Variants in DST observed in about 807,000 individuals in gnomAD.
DST encodes bullous pemphigoid antigen.
Under a neutral mutation model 875.2 loss-of-function variants are expected in DST, and 253 were observed. The ratio of observed to expected loss-of-function variants is 0.29; its 90% CI spans 0.26 to 0.32. The LOEUF is 0.32. DST is among the 10% of genes least tolerant of loss of function. DST has a pLI of 1.00. For missense variants in DST, 8,287 were observed against 9,111.6 expected (o/e 0.91, Z 3.68); for synonymous variants, 3,124 against 3,197.1 (o/e 0.98, Z 0.77).
At chr6:56,872,094 T>G (rs1391665454) in intron 3 of DST, among the ~76,000 whole-genome samples, 1 of 152,098 alleles carries the variant, frequency 6.6e-6, no homozygotes, top group Non-Finnish European at 1.5e-5. Context: ...CAAGAAAAAC[T>G]GCACATGAAC....
intron 17 of DST, among the ~76,000 whole-genome samples, 170 bp from the exon 18 acceptor site, chr6:56,640,775 A>G (rs2098888779): frequency 6.6e-6 from 1 of 152,148 alleles, no homozygotes; most frequent in Non-Finnish European, 1.5e-5. Flanking sequence ...GGGAAGAGGG[A>G]GGTATAAGGG....
chr6:56,822,554 G>A (rs1407501301), intron 4 of DST, among the ~76,000 whole-genome samples: 2 of 152,170 alleles, frequency 1.3e-5, no homozygotes, highest in African/African-American at 4.8e-5. Flanking sequence ...GAAGCCAGGT[G>A]AAGAACCATC....
At position 56,954,464 on chromosome 6, in the gene DST, G is replaced by A. The variant is rs1824225490; in HGVS notation, c.124C>T (p.Leu42Phe). The change falls in exon 1 of 104, where the codon CTC becomes TTC. Residue 42 changes from leucine to phenylalanine, a missense_variant. This residue lies in a region of DST where 1,160 missense variants were observed against 1,424.3 expected (regional missense o/e 0.81). Transcript: ENST00000680361. ...TTCATCGGATGCCTCCCTTTCTGGA[G>A]CTTGCGGTGCCAGCAGCAGAAGAAG... ...IVFFCCWHRKLQKGRHPMKSV... is the reference protein window; with the variant it reads ...IVFFCCWHRKFQKGRHPMKSV... 7.3e-7 allele frequency: 1 copy of A among 1,367,570 alleles called. No homozygotes were observed. Among genetic ancestry groups the A allele is most frequent in the African/African-American group, 1.5e-5 (1 of 67,874 alleles). 84.7% of individuals were successfully genotyped at this position (1,367,570 alleles called of 1,614,324 possible).
At chr6:56,781,270 T>C (rs2099693202) in intron 4 of DST, among the ~76,000 whole-genome samples, 1 of 152,218 alleles carries the variant, frequency 6.6e-6, no homozygotes, top group African/African-American at 2.4e-5. Context: ...AAGTCATTGG[T>C]AGCTTGATGG....
Position 56,670,716 on chromosome 6 carries a change from G to A in DST, c.1139C>T (p.Ala380Val). Residue 380 changes from alanine (A) to valine (V), a missense_variant, in exon 10 of 104, where the codon GCT becomes GTT. By Grantham distance (64) the Ala-to-Val change is moderately conservative. Transcript: ENST00000680361. ...AGTGAAATTTTCACACCGAATTCCA[G>A]CATAACCCTCTGTTGCCTGCTGCGT... ...LWTQQATEGY[A>V]GIRCENFTTC... 6.2e-7 allele frequency: 1 copy of A among 1,609,900 alleles called. No individual in the cohort carries two copies. Among genetic ancestry groups the A allele is most frequent in the Non-Finnish European group, 8.5e-7 (1 of 1,178,000 alleles).
At chr6:56,732,616 T>TC (rs2099505359) in intron 5 of DST, among the ~76,000 whole-genome samples, 1 of 152,174 alleles carries the variant, frequency 6.6e-6, no homozygotes, top group South Asian at 2.1e-4. Context: ...ATTTAAAAGC[T>TC]CCACAATGTT....
intron 80 of DST, among the ~76,000 whole-genome samples, chr6:56,499,138 T>C (rs535933070): frequency 1.3e-5 from 2 of 152,256 alleles, no homozygotes; most frequent in South Asian, 2.1e-4. Context: ...TTGGTAAAAG[T>C]TGATCCTACT....
intron 3 of DST, among the ~76,000 whole-genome samples, chr6:56,888,228 G>A (rs987199737): frequency 3.3e-5 from 5 of 151,988 alleles, no homozygotes; most frequent in South Asian, 2.1e-4. Context: ...GATTACAGAC[G>A]TGAACCACCA....
chr6:56,574,777 G>A (rs1360266537), intron 50 of DST, among the ~76,000 whole-genome samples: 1 of 151,982 alleles, frequency 6.6e-6, no homozygotes, highest in African/African-American at 2.4e-5. Flanking sequence ...TTTCTCTCTG[G>A]AAAATGATGT....
chr6:56,551,953 A>C (rs940522490), intron 61 of DST, among the ~76,000 whole-genome samples: 14 of 151,998 alleles, frequency 9.2e-5, no homozygotes, highest in Non-Finnish European at 1.9e-4. Flanking sequence ...TTTGCCAAGC[A>C]CCCTTTGGTC....
In DST at chr6:56,498,063, T is replaced by C. The variant is rs1583184463; in HGVS notation, c.19897-10A>G. ...CATCATTTTGGAGCACCTGAAAATA[T>C]AAAGATAACACCATGTTTGCTAGTT... On this transcript the variant is annotated splice_polypyrimidine_tract_variant and intron_variant, in intron 80 of 103. Coordinates refer to ENST00000680361, the MANE Select transcript of DST (RefSeq NM_001374736.1). The C allele has an allele frequency of 1.2e-6, 2 of 1,608,138 alleles. No individual in the cohort carries two copies. The highest frequency in any genetic ancestry group is 1.7e-6 in the Non-Finnish European group (2 of 1,176,258).
intron 3 of DST, among the ~76,000 whole-genome samples, chr6:56,887,619 G>A (rs543794542): frequency 5.9e-5 from 9 of 152,218 alleles, no homozygotes; most frequent in Admixed American, 1.3e-4. Context: ...AGTTTCCTTG[G>A]TTTGGAGATT....
At chr6:56,567,429 T>TAAAAAAAAAAAAAAAAAACCCCAAAGAAA (rs2097698008) in intron 55 of DST, among the ~76,000 whole-genome samples, 1 of 104,860 alleles carries the variant, frequency 9.5e-6, no homozygotes. Flanking sequence ...TTACCAAGAG[T>TAAAAAAAAAAAAAAAAAACCCCAAAGAAA]AAAAAAAAAA....
chr6:56,861,152 CTT>C (rs143895908), intron 3 of DST, among the ~76,000 whole-genome samples: 5,371 of 152,260 alleles, frequency 0.035, 333 homozygotes, highest in African/African-American at 0.12. Flanking sequence ...CACACTTACT[CTT>C]TCACTACAAA....
At chr6:56,896,564 T>C (rs1378938470) in intron 3 of DST, among the ~76,000 whole-genome samples, 1 of 152,250 alleles carries the variant, frequency 6.6e-6, no homozygotes, top group African/African-American at 2.4e-5. Flanking sequence ...TGTACTAGTT[T>C]ACATTCCCAC....
intron 4 of DST, among the ~76,000 whole-genome samples, chr6:56,760,391 C>T (rs1304541461): frequency 6.6e-6 from 1 of 152,052 alleles, no homozygotes; most frequent in African/African-American, 2.4e-5. Context: ...TTTTGTATGT[C>T]TCTCCATGTG....
At chr6:56,476,015 C>T (rs903161646) in intron 92 of DST, 134 bp downstream of exon 92, 1 of 760,154 alleles carries the variant, frequency 1.3e-6, no homozygotes. Context: ...GTTGGAAACA[C>T]AGTTGTAAGG....
chr6:56,751,141 A>G (rs1001914741), intron 4 of DST, among the ~76,000 whole-genome samples: 5 of 152,246 alleles, frequency 3.3e-5, no homozygotes, highest in Non-Finnish European at 7.3e-5. Flanking sequence ...TTAACATTAA[A>G]TGCAAGTCAT....
chr6:56,604,837 G>A lies in DST; in HGVS notation c.9791C>T (p.Thr3264Ile), dbSNP rs1230539875. 1 of 1,612,488 alleles carries A rather than the reference G, an allele frequency of 6.2e-7. No homozygotes were observed. The highest frequency in any genetic ancestry group is 1.1e-5 in the South Asian group (1 of 91,020). The change falls in exon 40 of 104, where the codon ACA becomes ATA. Residue 3264 changes from threonine (T) to isoleucine (I), a missense_variant. By Grantham distance (89) the Thr-to-Ile change is moderately conservative. Transcript: ENST00000680361. ...AAGTGTGGCTTCAATACTTTCTGGT[G>A]TGAACTGAGAAATTTCTGTTCCTCC... ...SGGGTEISQF[T>I]PESIEATLSI...
Sources: allele counts gnomAD v4.1 joint callset (sites outside exome capture counted in the v4.1 genomes callset), GRCh38; gene constraint gnomAD v4.1.1; regional missense constraint gnomAD v4.1.1; transcripts MANE v1.5; gene names NCBI Gene and HGNC (gene_info 2026-07-23, HGNC 2026-07-21).